CNOT4: variants seen among roughly 807,000 people sequenced by gnomAD.
The protein encoded by CNOT4 is CCR4-associated factor 4.
A neutral mutation model predicts 73.8 loss-of-function variants in CNOT4; 8 were observed. The observed-to-expected ratio is 0.11, with a 90% CI of 0.06 to 0.20. The LOEUF is 0.20. CNOT4 is among the 10% of genes least tolerant of loss of function. The pLI is 1.00. For missense variants in CNOT4, 564 were observed against 883.4 expected (o/e 0.64, Z 4.58); for synonymous variants, 293 against 321.1 (o/e 0.91, Z 0.94).
chr7:135,462,209 A>G (rs1414595359), intron 1 of CNOT4, among the ~76,000 whole-genome samples: 1 of 152,148 alleles, frequency 6.6e-6, no homozygotes, highest in African/African-American at 2.4e-5. Flanking sequence ...AACTTTTATA[A>G]TATTACCAAC....
intron 1 of CNOT4, among the ~76,000 whole-genome samples, chr7:135,502,767 G>C (rs894867240): frequency 7.5e-6 from 1 of 133,300 alleles, no homozygotes; most frequent in Non-Finnish European, 1.5e-5. Context: ...AGTGAGCCAA[G>C]ATCATACCAC....
At chr7:135,469,682 C>T (rs1324981175) in intron 1 of CNOT4, among the ~76,000 whole-genome samples, 1 of 152,134 alleles carries the variant, frequency 6.6e-6, no homozygotes, top group East Asian at 1.9e-4. Flanking sequence ...TAGTTTTAAA[C>T]ATATATTTCC....
At chr7:135,460,592 T>G (rs376697265) in intron 1 of CNOT4, among the ~76,000 whole-genome samples, 4 of 152,186 alleles carry the variant, frequency 2.6e-5, no homozygotes, top group African/African-American at 4.8e-5. Context: ...ACAGCTATAA[T>G]AGTAACATCA....
chr7:135,415,075 C>T (rs1411729258), intron 4 of CNOT4, 101 bp downstream of exon 4: 2 of 738,998 alleles, frequency 2.7e-6, no homozygotes, highest in Non-Finnish European at 4.7e-6. Flanking sequence ...AGTCCTTGTC[C>T]CTCAAGCTTT....
At chr7:135,444,473 G>A in intron 1 of CNOT4, 1 of 787,298 alleles carries the variant, frequency 1.3e-6, no homozygotes, top group Non-Finnish European at 2.3e-6. Flanking sequence ...TCTGGAGGCT[G>A]AGTGCCCTTT....
At chr7:135,448,244 A>T (rs750619630) in intron 1 of CNOT4, among the ~76,000 whole-genome samples, 87 of 152,176 alleles carry the variant, frequency 5.7e-4, no homozygotes, top group Non-Finnish European at 1.0e-3. Flanking sequence ...ATTACGAGCC[A>T]TGTAAAGAAA....
At chr7:135,439,569 A>G (rs1799351799) in intron 1 of CNOT4, among the ~76,000 whole-genome samples, 1 of 152,204 alleles carries the variant, frequency 6.6e-6, no homozygotes, top group South Asian at 2.1e-4. Context: ...GTTCAGCTCC[A>G]GCCAGGAGTT....
At chr7:135,504,485 T>TA (rs1804222380) in intron 1 of CNOT4, among the ~76,000 whole-genome samples, 8 of 17,360 alleles carry the variant, frequency 4.6e-4, no homozygotes, top group Non-Finnish European at 6.7e-4. Context: ...TTTTTTTTTT[T>TA]TTTTATTTTT....
chr7:135,475,336 T>C (rs1393981238), intron 1 of CNOT4, among the ~76,000 whole-genome samples: 3 of 152,096 alleles, frequency 2.0e-5, no homozygotes, highest in East Asian at 3.9e-4. Flanking sequence ...AAATTAAGCA[T>C]ATCATGACTA....
chr7:135,370,533 G>A (rs1295690683), intron 10 of CNOT4, among the ~76,000 whole-genome samples: 2 of 152,126 alleles, frequency 1.3e-5, no homozygotes, highest in African/African-American at 4.8e-5. Flanking sequence ...CCGTGCCATC[G>A]ACTGCAGTTA....
chr7:135,464,836 A>T (rs1283432267), intron 1 of CNOT4, among the ~76,000 whole-genome samples: 5 of 152,056 alleles, frequency 3.3e-5, no homozygotes, highest in African/African-American at 1.2e-4. Flanking sequence ...TATTTAATAA[A>T]GCCCAATGTT....
In CNOT4 at chr7:135,468,684, C is replaced by CAAA. The variant is rs34174386; in HGVS notation, c.-92-30264_-92-30262dup. ...CTGGGTGACGAGCAAGACTCTGTCT[C>CAAA]AAAAAAAAAAAAAAAAAAATTTACA... On this transcript the variant is annotated intron_variant, in intron 1 of 11. Transcript: ENST00000541284. Among the ~76,000 whole-genome samples, 165 of 124,672 alleles carry CAAA rather than the reference C, an allele frequency of 1.3e-3. 1 individual carries two copies. The highest frequency in any genetic ancestry group is 1.6e-3 in the African/African-American group (54 of 32,998). 81.8% of individuals were successfully genotyped at this position (124,672 alleles called of 152,430 possible).
At chr7:135,491,716 T>C (rs980370473) in intron 1 of CNOT4, among the ~76,000 whole-genome samples, 3 of 152,156 alleles carry the variant, frequency 2.0e-5, no homozygotes, top group African/African-American at 4.8e-5. Flanking sequence ...AGGGAAGATA[T>C]TTTTATGATG....
intron 1 of CNOT4, among the ~76,000 whole-genome samples, chr7:135,491,905 T>C (rs543764227): frequency 6.6e-6 from 1 of 152,312 alleles, no homozygotes; most frequent in African/African-American, 2.4e-5. Context: ...ACTTCACAGT[T>C]CATTAATGCA....
intron 1 of CNOT4, among the ~76,000 whole-genome samples, chr7:135,456,164 G>A (rs192173462): frequency 6.6e-6 from 1 of 152,348 alleles, no homozygotes; most frequent in East Asian, 1.9e-4. Flanking sequence ...AAATGAGTAA[G>A]TGTGGCTGTA....
At chr7:135,420,468 C>G (rs1327736259) in intron 3 of CNOT4, among the ~76,000 whole-genome samples, 1 of 148,890 alleles carries the variant, frequency 6.7e-6, no homozygotes, top group Non-Finnish European at 1.5e-5. Context: ...ACCCAGTTAC[C>G]TGGGGGGCTG....
intron 1 of CNOT4, among the ~76,000 whole-genome samples, chr7:135,471,999 C>T (rs1471525512): frequency 9.2e-5 from 14 of 151,800 alleles, no homozygotes. Flanking sequence ...ATGGTGAAAC[C>T]CTGTCTCTAC....
chr7:135,473,062 T>C (rs1352226841), intron 1 of CNOT4, among the ~76,000 whole-genome samples: 1 of 151,988 alleles, frequency 6.6e-6, no homozygotes, highest in Non-Finnish European at 1.5e-5. Flanking sequence ...ATACAATTTA[T>C]AGTCTTACTG....
At chr7:135,388,220 G>T in intron 10 of CNOT4, 1 of 985,074 alleles carries the variant, frequency 1.0e-6, no homozygotes, top group Non-Finnish European at 1.2e-6. Context: ...AAAAGAGAGA[G>T]AACAAAACAG....
Sources: allele counts gnomAD v4.1 joint callset (sites outside exome capture counted in the v4.1 genomes callset), GRCh38; gene constraint gnomAD v4.1.1; transcripts MANE v1.5; gene names NCBI Gene and HGNC (gene_info 2026-07-23, HGNC 2026-07-21).